MMP17: variants seen among roughly 807,000 people sequenced by gnomAD.
MMP17 encodes the protein matrix metallopeptidase 17, also known as matrix metalloproteinase-17.
In MMP17, 54 loss-of-function variants were observed where a neutral mutation model predicts 49.1. That is an observed-to-expected ratio of 1.10 (90% CI 0.88 to 1.38). The LOEUF is 1.38. Among genes scored for constraint, MMP17 ranks in the 40% most tolerant of loss-of-function variants. MMP17 has a pLI of 0.00. For missense variants in MMP17, 837 were observed against 853.7 expected (o/e 0.98, Z 0.24); for synonymous variants, 397 against 383.1 (o/e 1.04, Z -0.42).
At chr12:131,842,783 A>C (rs1178167486) in intron 5 of MMP17, among the ~76,000 whole-genome samples, 1 of 151,798 alleles carries the variant, frequency 6.6e-6, no homozygotes, top group Admixed American at 6.6e-5. Flanking sequence ...AAAAAAAAAA[A>C]GAAAGAAATT....
rs762320759 is a variant in MMP17 at position 131,841,710 on chromosome 12, A to G, written c.793A>G (p.Ile265Val). 1.9e-6 allele frequency: 3 copies of G among 1,613,864 alleles called. No homozygotes were observed. The highest frequency in any genetic ancestry group is 2.2e-5 in the South Asian group (2 of 91,082). Residue 265 changes from isoleucine (I) to valine (V), a missense_variant, in exon 5 of 10, where the codon ATC (isoleucine) becomes GTC (valine). Physicochemically the swap from Ile to Val is conservative, Grantham distance 29. Transcript: ENST00000360564. ...AAGCCATGTGGCCGCTGCACACTCCATCATGCGGCCGTACTACCAGGGCCC... is the reference window on the plus strand; with the variant it reads ...AAGCCATGTGGCCGCTGCACACTCCGTCATGCGGCCGTACTACCAGGGCCC... ...GLSHVAAAHS[I>V]MRPYYQGPVG...
At chr12:131,847,292 T>A (rs1887758686) in intron 8 of MMP17, among the ~76,000 whole-genome samples, 1 of 150,226 alleles carries the variant, frequency 6.7e-6, no homozygotes, top group South Asian at 2.1e-4. Context: ...GGGCACCTGT[T>A]GTTCCAGCTA....
At chr12:131,847,012 C>T (rs1302347758) in intron 8 of MMP17, among the ~76,000 whole-genome samples, 2 of 151,782 alleles carry the variant, frequency 1.3e-5, no homozygotes, top group African/African-American at 4.8e-5. Context: ...ACCTGGGAGG[C>T]TGAGGCAGGA....
intron 5 of MMP17, among the ~76,000 whole-genome samples, chr12:131,843,038 C>G (rs1201050607): frequency 2.0e-5 from 3 of 152,122 alleles, no homozygotes; most frequent in Non-Finnish European, 4.4e-5. Context: ...CTCTGTCACC[C>G]AGGCTGGAGC....
At chr12:131,844,110 G>T (rs370274982) in intron 6 of MMP17, 29 bp downstream of exon 6, 4 of 1,523,074 alleles carry the variant, frequency 2.6e-6, no homozygotes, top group Non-Finnish European at 2.7e-6. Flanking sequence ...GTCACCACCC[G>T]CTGGGGTCTG....
chr12:131,836,034 G>A (rs1314837328), intron 1 of MMP17, among the ~76,000 whole-genome samples: 2 of 152,158 alleles, frequency 1.3e-5, no homozygotes, highest in Non-Finnish European at 2.9e-5. Context: ...CACCCCCAAG[G>A]CCCCTCCAGA....
At chr12:131,833,825 A>G (rs1886943035) in intron 1 of MMP17, among the ~76,000 whole-genome samples, 1 of 152,240 alleles carries the variant, frequency 6.6e-6, no homozygotes, top group Non-Finnish European at 1.5e-5. Context: ...CCCGCCAGCC[A>G]GGGTGCCCTG....
chr12:131,828,796 G>A (rs933572754), intron 1 of MMP17, 143 bp downstream of exon 1: 1 of 174,804 alleles, frequency 5.7e-6, no homozygotes, highest in Non-Finnish European at 1.2e-5. Context: ...CATTTCCTGG[G>A]TGGGGAGACT....
At chr12:131,829,423 C>T (rs1007571147) in intron 1 of MMP17, among the ~76,000 whole-genome samples, 1 of 152,228 alleles carries the variant, frequency 6.6e-6, no homozygotes, top group African/African-American at 2.4e-5. Flanking sequence ...CCTGTGGACC[C>T]GGAAGATTTA....
At chr12:131,838,514 C>T in intron 2 of MMP17, 98 bp from the exon 3 acceptor site, 1 of 1,493,088 alleles carries the variant, frequency 6.7e-7, no homozygotes. Context: ...GGCTCGGAGG[C>T]TGGTGCCAGA....
At chr12:131,844,103 A>T in intron 6 of MMP17, 22 bp downstream of exon 6, 2 of 1,537,076 alleles carry the variant, frequency 1.3e-6, no homozygotes, top group Non-Finnish European at 1.8e-6. Context: ...GCCCACGGTC[A>T]CCACCCGCTG....
intron 3 of MMP17, among the ~76,000 whole-genome samples, chr12:131,838,980 C>G (rs1593228104): frequency 6.6e-6 from 1 of 152,140 alleles, no homozygotes; most frequent in African/African-American, 2.4e-5. Context: ...AGTGGGGCCC[C>G]CATGTCTCCG....
intron 6 of MMP17, 84 bp from the exon 7 acceptor site, chr12:131,845,034 T>C: frequency 7.1e-7 from 1 of 1,402,872 alleles, no homozygotes; most frequent in Non-Finnish European, 1.0e-6. Context: ...CCCATGCCGC[T>C]CAGGTCAGGG....
Position 131,838,739 on chromosome 12 carries a change from G to A in MMP17, c.420G>A (p.Trp140Ter), listed in dbSNP as rs1193374906. The change falls in exon 3 of 10, where the codon TGG (tryptophan) becomes TGA (stop). Residue 140 changes from tryptophan (W) to a stop codon, truncating the protein, a stop_gained and splice_region_variant. Coordinates refer to ENST00000360564, the MANE Select transcript of MMP17 (RefSeq NM_016155.7). LOFTEE classifies it high-confidence loss of function. The stretch of plus-strand genomic sequence containing the variant: ...AGTGGAACAAGAGGAACCTGTCGTG[G>A]AGGTGGGTGTGTGGCCAGGGTGAGG... ...PTKWNKRNLS[W>*]RVRTFPRDSP... The A allele has an allele frequency of 6.4e-7, 1 of 1,567,282 alleles. No homozygotes were observed. The highest frequency in any genetic ancestry group is 2.3e-5 in the East Asian group (1 of 42,580).
Position 131,838,241 on chromosome 12 carries a change from C to T in MMP17, c.206C>T (p.Thr69Ile). 6.2e-7 allele frequency: 1 copy of T among 1,613,166 alleles called. No individual in the cohort carries two copies. The highest frequency in any genetic ancestry group is 8.5e-7 in the Non-Finnish European group (1 of 1,179,958). Reference protein sequence around the residue: ...FGYLPPADPTTGQLQTQEELS... With the variant: ...FGYLPPADPTIGQLQTQEELS... ...TACCTGCCCCCGGCTGACCCCACAA[C>T]AGGGCAGCTGCAGACGCAAGAGGAG... Residue 69 changes from threonine (T) to isoleucine (I), a missense_variant, in exon 2 of 10, where the codon ACA becomes ATA. Transcript: ENST00000360564.
intron 1 of MMP17, among the ~76,000 whole-genome samples, chr12:131,830,266 A>G (rs1886722668): frequency 6.6e-6 from 1 of 152,300 alleles, no homozygotes; most frequent in African/African-American, 2.4e-5. Flanking sequence ...CTCGGCTGGT[A>G]CCTGCGCCTC....
In MMP17 at chr12:131,851,635, T is replaced by G; in HGVS notation, c.*361T>G. The G allele has an allele frequency of 4.3e-6, 1 of 231,334 alleles. No individual in the cohort carries two copies. The highest frequency in any genetic ancestry group is 8.4e-6 in the Non-Finnish European group (1 of 118,930). 14.3% of individuals were successfully genotyped at this position (231,334 alleles called of 1,614,324 possible). On this transcript the variant is annotated 3_prime_UTR_variant, in exon 10 of 10. Transcript: ENST00000360564. ...CAACCCCACCCACACTGCTGCCTGG[T>G]GCTCCCGCCGGCCCACAGGGCCTCC... is the stretch of plus-strand genomic sequence containing the variant.
chr12:131,847,156 C>T (rs11246852), intron 8 of MMP17, among the ~76,000 whole-genome samples: 117,203 of 151,012 alleles, frequency 0.78, 46,331 homozygotes, highest in Non-Finnish European at 0.83. Flanking sequence ...CTCACGCCTG[C>T]AATCCCAGCA....
At chr12:131,847,202 G>A (rs1887749861) in intron 8 of MMP17, among the ~76,000 whole-genome samples, 1 of 151,802 alleles carries the variant, frequency 6.6e-6, no homozygotes, top group Non-Finnish European at 1.5e-5. Context: ...TACAAGGTCA[G>A]GAAATCGAGA....
Sources: gnomAD v4.1 joint callset for allele counts (sites outside exome capture counted in the v4.1 genomes callset) on GRCh38, gnomAD v4.1.1 for gene constraint, MANE v1.5 for transcripts, NCBI Gene and HGNC (gene_info 2026-07-23, HGNC 2026-07-21) for gene names.